The following LZTR1 variants were observed in gnomAD, a reference collection of about 807,000 sequenced individuals.
LZTR1 encodes leucine zipper like post translational regulator 1, also known as leucine-zipper-like transcriptional regulator 1.
In LZTR1, 260 loss-of-function variants were observed where a neutral mutation model predicts 105.7. The observed-to-expected ratio is 2.46, with a 90% CI of 2.22 to 2.72. The LOEUF (loss-of-function observed/expected upper bound fraction) is 2.72. LZTR1 is among the 30% of genes most tolerant of loss of function. LZTR1 has a pLI of 0.00. For synonymous variants in LZTR1, 490 were observed against 476.4 expected, an observed-to-expected ratio of 1.03 and a Z score of -0.37; for missense variants, 1,214 against 1,166.9, an observed-to-expected ratio of 1.04 and a Z score of -0.59.
chr22:20,990,350 G>A, intron 7 of LZTR1, 36 bp from the exon 8 acceptor site: 1 of 1,613,498 alleles, frequency 6.2e-7, no homozygotes, highest in South Asian at 1.1e-5. Flanking sequence ...AGCGGGCCCT[G>A]TGAGGCCGGG....
intron 4 of LZTR1, 35 bp downstream of exon 4, chr22:20,987,618 C>T (rs747020969): frequency 1.3e-6 from 2 of 1,583,724 alleles, no homozygotes; most frequent in South Asian, 1.1e-5. Context: ...GGCTGTGTCG[C>T]CCCGAGGCCC....
rs777908919 is a variant in LZTR1 at position 20,994,557 on chromosome 22, G to A, written c.1616-1G>A. 5 of 1,608,890 alleles carry A rather than the reference G, an allele frequency of 3.1e-6. No homozygotes were observed. The highest frequency in any genetic ancestry group is 4.2e-6 in the Non-Finnish European group (5 of 1,179,614). On this transcript the variant is annotated splice_acceptor_variant, in intron 14 of 20. Coordinates refer to ENST00000646124, the MANE Select transcript of LZTR1 (RefSeq NM_006767.4). LOFTEE classifies it high-confidence loss of function. Reference sequence around the variant, plus strand: ...TGAGATTCGGGGGCTCTGGGGCGCAGGCCATGTGGAGGATGTGCTGCTCAT... The same window carrying A: ...TGAGATTCGGGGGCTCTGGGGCGCAAGCCATGTGGAGGATGTGCTGCTCAT...
At chr22:20,991,273 A>G (rs1255098539) in intron 8 of LZTR1, 2 of 245,040 alleles carry the variant, frequency 8.2e-6, no homozygotes, top group Non-Finnish European at 7.9e-6. Context: ...CTGACTGGGC[A>G]GCGTGAACAC....
intron 3 of LZTR1, 26 bp from the exon 4 acceptor site, chr22:20,987,476 ACT>A (rs1924432416): frequency 7.0e-7 from 1 of 1,423,308 alleles, no homozygotes; most frequent in Non-Finnish European, 9.9e-7. Context: ...ACCCCCGCTG[ACT>A]CTCACCACCC....
At chr22:20,997,096 C>A in intron 20 of LZTR1, 130 bp downstream of exon 20, 1 of 1,139,732 alleles carries the variant, frequency 8.8e-7, no homozygotes, top group Non-Finnish European at 1.3e-6. Flanking sequence ...CAGAGCAGCC[C>A]ATCACTGGCC....
intron 2 of LZTR1, among the ~76,000 whole-genome samples, chr22:20,984,199 G>A (rs538924597): frequency 6.6e-6 from 1 of 152,268 alleles, no homozygotes; most frequent in African/African-American, 2.4e-5. Context: ...TGTTCCTGAG[G>A]CACACAGATG....
intron 7 of LZTR1, 134 bp downstream of exon 7, chr22:20,989,816 G>C: frequency 1.0e-6 from 1 of 961,524 alleles, no homozygotes; most frequent in Non-Finnish European, 1.6e-6. Flanking sequence ...GGGGAGCCAG[G>C]CTGGGGGTCG....
intron 2 of LZTR1, among the ~76,000 whole-genome samples, chr22:20,983,889 A>G (rs1924284999): frequency 6.6e-6 from 1 of 152,152 alleles, no homozygotes; most frequent in African/African-American, 2.4e-5. Flanking sequence ...AAGTCAGAGT[A>G]TGCTCCTCCT....
At position 20,989,682 on chromosome 22, in the gene LZTR1, G is replaced by A; in HGVS notation, c.651G>A (p.Glu217=). The change falls in exon 7 of 21, where the codon GAG becomes GAA. Residue 217 remains glutamate (E), a splice_region_variant and synonymous_variant. Transcript: ENST00000646124. The part of the protein sequence containing the change: ...LQDRELTCWE[E]VAQSGEIPPS... Reference sequence around the variant, plus strand: ...ACCGAGAGCTCACCTGCTGGGAGGAGGTGAGGGGCGTGGGGAGCCAGGGCG... The same window carrying A: ...ACCGAGAGCTCACCTGCTGGGAGGAAGTGAGGGGCGTGGGGAGCCAGGGCG... 2 of 1,587,430 alleles carry A rather than the reference G, an allele frequency of 1.3e-6. No homozygotes were observed. The highest frequency in any genetic ancestry group is 1.4e-5 in the African/African-American group (1 of 71,942).
At chr22:20,985,747 C>G (rs1034633497) in intron 2 of LZTR1, 94 bp from the exon 3 acceptor site, 11 of 1,185,988 alleles carry the variant, frequency 9.3e-6, no homozygotes, top group Non-Finnish European at 1.4e-5. Flanking sequence ...CACAACAGCC[C>G]CCTACTCTAC....
intron 14 of LZTR1, 46 bp downstream of exon 14, chr22:20,994,315 C>T (rs372913060): frequency 5.1e-6 from 8 of 1,573,620 alleles, no homozygotes; most frequent in South Asian, 3.4e-5. Flanking sequence ...GGCTGGGGTG[C>T]GGGCAGCAGA....
At chr22:20,989,597 G>A (rs755853782) in intron 6 of LZTR1, 28 bp from the exon 7 acceptor site, 7 of 1,601,612 alleles carry the variant, frequency 4.4e-6, no homozygotes, top group Non-Finnish European at 5.1e-6. Flanking sequence ...CAGACCCAAG[G>A]GGTCCTCACT....
At chr22:20,992,467 AC>A in intron 10 of LZTR1, 98 bp downstream of exon 10, 2 of 1,329,594 alleles carry the variant, frequency 1.5e-6, no homozygotes, top group Non-Finnish European at 2.0e-6. Context: ...CCCGAGAAAT[AC>A]TTGCTTGGGG....
Position 20,996,930 on chromosome 22 carries a change from G to C in LZTR1, c.2370G>C (p.Arg790=), listed in dbSNP as rs905460468. 1.2e-6 allele frequency: 2 copies of C among 1,613,272 alleles called. No homozygotes were observed. The highest frequency in any genetic ancestry group is 1.7e-6 in the Non-Finnish European group (2 of 1,179,810). Residue 790 remains arginine (R), a synonymous_variant, in exon 20 of 21, where the codon CGG becomes CGC. Coordinates refer to ENST00000646124, the MANE Select transcript of LZTR1 (RefSeq NM_006767.4). ...ADKTQALDMK[R]HCLHIIVHQF... ...AAACGCAGGCACTGGACATGAAGCG[G>C]CACTGCCTGCACATCATTGTGCACC...
In LZTR1 at chr22:20,996,894, G is replaced by A. The variant is rs770390455; in HGVS notation, c.2334G>A (p.Glu778=). ...GGTCCCTGCCATTGCAGATCCTGGA[G>A]GCAGCTGACAAAACGCAGGCACTGG... The part of the protein sequence containing the change: ...VTVQNVLQIL[E]AADKTQALDM... Residue 778 remains glutamate (E), a synonymous_variant, in exon 20 of 21, where the codon GAG becomes GAA. Transcript: ENST00000646124. 5.0e-6 allele frequency: 8 copies of A among 1,612,334 alleles called. No individual in the cohort carries two copies. The highest frequency in any genetic ancestry group is 5.9e-6 in the Non-Finnish European group (7 of 1,178,900).
In LZTR1 at chr22:20,994,704, C is replaced by T. The variant is rs1267284608; in HGVS notation, c.1762C>T (p.Arg588Trp). ...GCTGGTTGTGTGCGAGAGTGCCGCC[C>T]GGCTGCAGCTGAGCCAACTCAAGGT... ...NVLVVCESAA[R>W]LQLSQLKEHC... The change falls in exon 15 of 21, where the codon CGG (arginine) becomes TGG (tryptophan). Residue 588 changes from arginine to tryptophan, a missense_variant. By Grantham distance (101) the Arg-to-Trp change is moderately radical. Transcript: ENST00000646124. 6 of 1,612,172 alleles carry T rather than the reference C, an allele frequency of 3.7e-6. No individual in the cohort carries two copies. The highest frequency in any genetic ancestry group is 1.1e-5 in the South Asian group (1 of 91,062).
chr22:20,996,968 T>G lies in LZTR1; in HGVS notation c.2406+2T>G, dbSNP rs1188461028. 6.2e-7 allele frequency: 1 copy of G among 1,613,316 alleles called. No homozygotes were observed. Among genetic ancestry groups the G allele is most frequent in the Non-Finnish European group, 8.5e-7 (1 of 1,179,694 alleles). ...ATCATTGTGCACCAGTTCACCAAGG[T>G]CAGGGCTCTGGCCTCCCCTTCAGGA... On this transcript the variant is annotated splice_donor_variant, in intron 20 of 20. Transcript: ENST00000646124. LOFTEE classifies it high-confidence loss of function.
chr22:20,994,015 C>T lies in LZTR1; in HGVS notation c.1445C>T (p.Ala482Val). The change falls in exon 13 of 21, where the codon GCC becomes GTC. Residue 482 changes from alanine to valine, a missense_variant. By Grantham distance (64) the Ala-to-Val change is moderately conservative (BLOSUM62 0). Transcript: ENST00000646124. ...ATCACGCAGGCGCGGGAGAGGCTGG[C>T]CCAGGTGAGGTGCCTAACCGCCCTG... ...RKITQARERL[A>V]QKLEQEAAPV... is the part of the protein sequence containing the mutation. 2 of 1,605,780 alleles carry T rather than the reference C, an allele frequency of 1.2e-6. No homozygotes were observed. Among genetic ancestry groups the T allele is most frequent in the Non-Finnish European group, 1.7e-6 (2 of 1,177,784 alleles).
intron 2 of LZTR1, among the ~76,000 whole-genome samples, chr22:20,985,059 ATT>A (rs34655832): frequency 2.5e-5 from 3 of 120,306 alleles, no homozygotes; most frequent in Non-Finnish European, 3.3e-5. Context: ...CTTCGTTTCT[ATT>A]TTTTTTTTTT....
Sources: gnomAD v4.1 joint callset for allele counts (sites outside exome capture counted in the v4.1 genomes callset) on GRCh38, gnomAD v4.1.1 for gene constraint, MANE v1.5 for transcripts, NCBI Gene and HGNC (gene_info 2026-07-23, HGNC 2026-07-21) for gene names.